Variants in GABRG3 observed in about 807,000 individuals in gnomAD.
GABRG3 encodes gamma-aminobutyric acid receptor subunit gamma-3.
Under a neutral mutation model 48.8 loss-of-function variants are expected in GABRG3, and 25 were observed. The observed-to-expected ratio is 0.51, with a 90% CI of 0.37 to 0.72. The LOEUF (loss-of-function observed/expected upper bound fraction) is 0.72. Among genes scored for constraint, GABRG3 ranks in the 30% least tolerant of loss-of-function variants. The pLI is 0.00. For synonymous variants in GABRG3, 227 were observed against 217.6 expected (o/e 1.04, Z -0.38); for missense variants, 394 against 577.9 (o/e 0.68, Z 3.26).
intron 6 of GABRG3, among the ~76,000 whole-genome samples, chr15:27,502,570 T>C (rs1044109876): frequency 6.6e-6 from 1 of 152,138 alleles, no homozygotes; most frequent in African/African-American, 2.4e-5. Flanking sequence ...CACCTGGAGA[T>C]AGCATCAAAT....
chr15:27,168,486 G>C (rs930233713), intron 3 of GABRG3, among the ~76,000 whole-genome samples: 1 of 152,068 alleles, frequency 6.6e-6, no homozygotes, highest in Non-Finnish European at 1.5e-5. Flanking sequence ...CTGAATGTTT[G>C]TGACACCCCC....
intron 5 of GABRG3, chr15:27,422,429 C>T (rs1416887488): frequency 1.3e-5 from 2 of 152,250 alleles, no homozygotes; most frequent in Non-Finnish European, 2.9e-5. Context: ...ACTGGGTGTT[C>T]TAAGGTATCG....
rs79402505 is a variant in GABRG3, at chr15:27,144,635, C to T, written c.270+117814C>T. ...GGCCTTTGAAAAGATGGAACATATT[C>T]CTGGAAATCCAGAAGTTCACATATA... On this transcript the variant is annotated intron_variant, in intron 3 of 9. Coordinates refer to ENST00000615808, the MANE Select transcript of GABRG3 (RefSeq NM_033223.5). Among the ~76,000 whole-genome samples, 20 of 152,296 alleles carry T rather than the reference C, an allele frequency of 1.3e-4. No individual in the cohort carries two copies. The East Asian group carries it at 3.7e-3, about 28-fold the overall frequency.
chr15:27,316,028 A>G (rs1264745108), intron 3 of GABRG3, among the ~76,000 whole-genome samples: 1 of 152,286 alleles, frequency 6.6e-6, no homozygotes, highest in East Asian at 1.9e-4. Flanking sequence ...CTTCTATTGT[A>G]CTTGTAAATT....
intron 3 of GABRG3, among the ~76,000 whole-genome samples, chr15:27,168,334 C>G (rs1887448610): frequency 6.6e-6 from 1 of 151,650 alleles, no homozygotes; most frequent in Non-Finnish European, 1.5e-5. Flanking sequence ...TAAGTTCCCT[C>G]CACCACTCCC....
rs114238500 is a variant in GABRG3 at position 27,482,507 on chromosome 15, T to C, written c.712+1720T>C. ...TTTTCACAATGTGGAGGATCACTCA[T>C]GGGACTGTGTTGGCATTTTAAAGGA... is the stretch of plus-strand genomic sequence containing the variant. On this transcript the variant is annotated intron_variant, in intron 6 of 9. Transcript: ENST00000615808. Among the ~76,000 whole-genome samples the C allele has an allele frequency of 7.6e-3, 1,153 of 152,342 alleles. 16 individuals are homozygous for C. The highest frequency in any genetic ancestry group is 0.026 in the African/African-American group (1,085 of 41,578).
intron 2 of GABRG3, among the ~76,000 whole-genome samples, chr15:27,000,149 C>T (rs916706147): frequency 2.6e-5 from 4 of 152,170 alleles, no homozygotes; most frequent in Non-Finnish European, 4.4e-5. Flanking sequence ...GATTATTCTT[C>T]TCATTATGAT....
intron 5 of GABRG3, among the ~76,000 whole-genome samples, chr15:27,463,447 G>C (rs192795383): frequency 6.6e-6 from 1 of 152,124 alleles, no homozygotes; most frequent in African/African-American, 2.4e-5. Context: ...TGGTATCACC[G>C]AAGTGTGGAT....
chr15:27,472,927 T>A (rs780499904), intron 5 of GABRG3, among the ~76,000 whole-genome samples: 3 of 152,190 alleles, frequency 2.0e-5, no homozygotes, highest in African/African-American at 4.8e-5. Flanking sequence ...GAATGTATGA[T>A]GGATTATACT....
intron 3 of GABRG3, among the ~76,000 whole-genome samples, chr15:27,076,785 C>T (rs1026313498): frequency 1.9e-4 from 29 of 152,208 alleles, no homozygotes; most frequent in East Asian, 9.7e-4. Flanking sequence ...CATCAGAAGC[C>T]GGAAGAATGG....
At chr15:27,328,580 C>G (rs190317863) in intron 4 of GABRG3, among the ~76,000 whole-genome samples, 224 of 152,356 alleles carry the variant, frequency 1.5e-3, no homozygotes, top group Non-Finnish European at 2.6e-3. Context: ...ATTTTACTAA[C>G]TGGAATTCTC....
chr15:27,424,229 A>G (rs1236011327), intron 5 of GABRG3, among the ~76,000 whole-genome samples: 1 of 152,134 alleles, frequency 6.6e-6, no homozygotes, highest in African/African-American at 2.4e-5. Flanking sequence ...GCCTATGCAA[A>G]TAGTGTGATT....
At chr15:27,348,221 G>A (rs1894444167) in intron 5 of GABRG3, among the ~76,000 whole-genome samples, 1 of 151,276 alleles carries the variant, frequency 6.6e-6, no homozygotes, top group Admixed American at 6.6e-5. Flanking sequence ...AAAGATTGCT[G>A]ACTGAAATTG....
intron 3 of GABRG3, among the ~76,000 whole-genome samples, chr15:27,102,955 C>T (rs1233311724): frequency 6.6e-6 from 1 of 152,158 alleles, no homozygotes; most frequent in Non-Finnish European, 1.5e-5. Flanking sequence ...AATGATGTAG[C>T]TCTATTTCTA....
At chr15:26,971,995 T>G (rs1333505334) in intron 1 of GABRG3, among the ~76,000 whole-genome samples, 2 of 151,840 alleles carry the variant, frequency 1.3e-5, no homozygotes, top group African/African-American at 4.8e-5. Flanking sequence ...ACTCTGAAAT[T>G]TCCAAGAACC....
intron 5 of GABRG3, among the ~76,000 whole-genome samples, chr15:27,339,305 G>C (rs1352674514): frequency 1.3e-5 from 2 of 152,204 alleles, no homozygotes. Flanking sequence ...CACAAACTCT[G>C]GAAGCAGCTA....
chr15:27,528,364 C>T (rs1891333284), intron 9 of GABRG3, among the ~76,000 whole-genome samples: 1 of 152,148 alleles, frequency 6.6e-6, no homozygotes, highest in Non-Finnish European at 1.5e-5. Flanking sequence ...TTTTGTGCCA[C>T]AAATATTATT....
intron 3 of GABRG3, among the ~76,000 whole-genome samples, chr15:27,137,363 G>T (rs776194501): frequency 2.6e-5 from 4 of 152,144 alleles, no homozygotes; most frequent in Non-Finnish European, 5.9e-5. Flanking sequence ...ACAAACAAAG[G>T]AGCCTTTCTC....
chr15:27,075,846 T>G (rs1483994273), intron 3 of GABRG3, among the ~76,000 whole-genome samples: 1 of 152,152 alleles, frequency 6.6e-6, no homozygotes, highest in African/African-American at 2.4e-5. Flanking sequence ...TGTGAAGGAT[T>G]CCAGTCCAGG....
Sources: gnomAD v4.1 joint callset for allele counts (sites outside exome capture counted in the v4.1 genomes callset) on GRCh38, gnomAD v4.1.1 for gene constraint, MANE v1.5 for transcripts, NCBI Gene and HGNC (gene_info 2026-07-23, HGNC 2026-07-21) for gene names.